Variants in CSMD1 observed in about 807,000 individuals in gnomAD.
The protein encoded by CSMD1 is CUB and sushi domain-containing protein 1.
A neutral mutation model predicts 417.5 loss-of-function variants in CSMD1; 213 were observed. That is an observed-to-expected ratio of 0.51 (90% CI 0.46 to 0.57). The LOEUF (loss-of-function observed/expected upper bound fraction) is 0.57, where lower values mean the gene tolerates loss of function less well. Among genes scored for constraint, CSMD1 ranks in the 20% least tolerant of loss-of-function variants. The pLI is 0.00. For missense variants in CSMD1, 6,923 were observed against 4,529.7 expected, an observed-to-expected ratio of 1.53 and a Z score of -15.17; for synonymous variants, 2,862 against 1,736.8, an observed-to-expected ratio of 1.65 and a Z score of -16.11.
chr8:3,481,104 C>G (rs931518650), intron 11 of CSMD1, among the ~76,000 whole-genome samples: 1 of 146,930 alleles, frequency 6.8e-6, no homozygotes, highest in African/African-American at 2.5e-5. Context: ...TGCAGTGAGC[C>G]CAGATTAGCC....
chr8:3,648,417 T>A (rs1797684371), intron 7 of CSMD1, among the ~76,000 whole-genome samples: 1 of 152,220 alleles, frequency 6.6e-6, no homozygotes, highest in Non-Finnish European at 1.5e-5. Context: ...GCACTAATGA[T>A]GCAACTCAAA....
chr8:3,631,487 A>T (rs765378842), intron 7 of CSMD1, among the ~76,000 whole-genome samples: 1 of 152,236 alleles, frequency 6.6e-6, no homozygotes, highest in Non-Finnish European at 1.5e-5. Context: ...GCTGAGGAGC[A>T]GGCAGATAGG....
intron 1 of CSMD1, among the ~76,000 whole-genome samples, chr8:4,807,301 G>A (rs112295702): frequency 6.6e-6 from 1 of 152,248 alleles, no homozygotes; most frequent in Non-Finnish European, 1.5e-5. Flanking sequence ...CCCTATGACA[G>A]GCCTCGGCTA....
chr8:2,956,617 C>A (rs1467794176), intron 63 of CSMD1, among the ~76,000 whole-genome samples: 2 of 151,950 alleles, frequency 1.3e-5, no homozygotes, highest in Admixed American at 1.3e-4. Context: ...CCATGCCCGG[C>A]TAATTTTTTG....
chr8:4,321,761 G>T (rs1035792656), intron 3 of CSMD1, among the ~76,000 whole-genome samples: 4 of 151,978 alleles, frequency 2.6e-5, no homozygotes, highest in Admixed American at 2.0e-4. Context: ...CTTTCAAAAA[G>T]GATGCTTTGA....
intron 3 of CSMD1, among the ~76,000 whole-genome samples, chr8:4,370,580 G>T (rs1029164032): frequency 1.3e-5 from 2 of 152,190 alleles, no homozygotes; most frequent in South Asian, 2.1e-4. Context: ...ACAATGAGTT[G>T]TGTTTGGTCT....
chr8:4,397,247 C>T (rs1268417088), intron 3 of CSMD1, among the ~76,000 whole-genome samples: 3 of 152,060 alleles, frequency 2.0e-5, no homozygotes, highest in Non-Finnish European at 4.4e-5. Flanking sequence ...AGCGTGTGAG[C>T]ATGCGTTTTT....
At chr8:3,886,933 G>A (rs1340519873) in intron 5 of CSMD1, among the ~76,000 whole-genome samples, 3 of 152,138 alleles carry the variant, frequency 2.0e-5, no homozygotes, top group Non-Finnish European at 2.9e-5. Context: ...GGGGACTCAG[G>A]TCATTTTTCA....
chr8:4,244,850 T>C (rs945786728), intron 3 of CSMD1, among the ~76,000 whole-genome samples: 1 of 152,194 alleles, frequency 6.6e-6, no homozygotes, highest in African/African-American at 2.4e-5. Context: ...TCTGGTGTCA[T>C]TGTAACAAGA....
chr8:4,789,597 G>A (rs1394807484), intron 1 of CSMD1, among the ~76,000 whole-genome samples: 1 of 152,106 alleles, frequency 6.6e-6, no homozygotes, highest in Non-Finnish European at 1.5e-5. Context: ...GGAATAAACT[G>A]TTTTTCTCAC....
chr8:4,074,493 A>T (rs748072387), intron 3 of CSMD1, among the ~76,000 whole-genome samples: 1 of 152,122 alleles, frequency 6.6e-6, no homozygotes, highest in Admixed American at 6.5e-5. Context: ...ATGAAAATCT[A>T]AAGTTTGATA....
intron 1 of CSMD1, among the ~76,000 whole-genome samples, chr8:4,718,692 G>C (rs1808847695): frequency 6.6e-6 from 1 of 151,878 alleles, no homozygotes; most frequent in African/African-American, 2.4e-5. Context: ...GAATTCAATA[G>C]GTGACAGGAA....
At chr8:4,746,426 T>G (rs1454635309) in intron 1 of CSMD1, among the ~76,000 whole-genome samples, 1 of 152,200 alleles carries the variant, frequency 6.6e-6, no homozygotes, top group Non-Finnish European at 1.5e-5. Flanking sequence ...ATTTTCTTCT[T>G]GCGAATGGAA....
At chr8:3,750,986 C>T (rs1007284916) in intron 6 of CSMD1, among the ~76,000 whole-genome samples, 1 of 152,174 alleles carries the variant, frequency 6.6e-6, no homozygotes, top group Non-Finnish European at 1.5e-5. Context: ...GTCTTGTCAT[C>T]TTCCTCTCTC....
At chr8:3,613,107 A>G (rs987979362) in intron 8 of CSMD1, among the ~76,000 whole-genome samples, 2 of 152,062 alleles carry the variant, frequency 1.3e-5, no homozygotes, top group Non-Finnish European at 2.9e-5. Context: ...CTACTCATTT[A>G]AAGGATAATA....
intron 5 of CSMD1, among the ~76,000 whole-genome samples, chr8:3,889,082 G>A (rs952993255): frequency 6.6e-6 from 1 of 151,830 alleles, no homozygotes; most frequent in East Asian, 1.9e-4. Context: ...TTTTTCTGCT[G>A]GTGACCAATT....
intron 10 of CSMD1, among the ~76,000 whole-genome samples, chr8:3,569,104 C>G (rs1400322692): frequency 6.6e-6 from 1 of 151,976 alleles, no homozygotes; most frequent in Non-Finnish European, 1.5e-5. Context: ...ACCAGAATAC[C>G]CTGGTATGAG....
chr8:3,950,397 G>GT (rs1811524125), intron 5 of CSMD1, among the ~76,000 whole-genome samples: 1 of 152,082 alleles, frequency 6.6e-6, no homozygotes, highest in Non-Finnish European at 1.5e-5. Context: ...GTTCCAATCG[G>GT]CCTACGGGTC....
chr8:3,362,680 A>G (rs532783020), intron 20 of CSMD1, among the ~76,000 whole-genome samples: 4 of 152,160 alleles, frequency 2.6e-5, no homozygotes, highest in Non-Finnish European at 1.5e-5. Context: ...CAGGAGAAAA[A>G]GGTCTGTATT....
Sources: allele counts gnomAD v4.1 joint callset (sites outside exome capture counted in the v4.1 genomes callset), GRCh38; gene constraint gnomAD v4.1.1; transcripts MANE v1.5; gene names NCBI Gene and HGNC (gene_info 2026-07-23, HGNC 2026-07-21).